Variants in DMGDH observed in about 807,000 individuals in gnomAD.
DMGDH encodes the protein dimethylglycine dehydrogenase.
In DMGDH, 76 loss-of-function variants were observed where a neutral mutation model predicts 95.2. That is an observed-to-expected ratio of 0.80 (90% CI 0.66 to 0.97). DMGDH has a LOEUF of 0.97. Among genes scored for constraint, DMGDH ranks in the 50% least tolerant of loss-of-function variants. The probability of loss-of-function intolerance (pLI) is 0.00; values close to 1 mark genes in which losing one functional copy is unlikely to be tolerated. For missense variants in DMGDH, 987 were observed against 1,055.0 expected (o/e 0.94, Z 0.89); for synonymous variants, 345 against 377.6 (o/e 0.91, Z 1.00).
rs115041886 is a variant in DMGDH, at chr5:79,065,840, A to C, written c.102-2053T>G. 5.5e-3 allele frequency among the ~76,000 whole-genome samples: 842 copies of C among 152,212 alleles called. 6 individuals are homozygous for C. The highest frequency in any genetic ancestry group is 0.017 in the African/African-American group (711 of 41,532). On this transcript the variant is annotated intron_variant, in intron 1 of 15. Transcript: ENST00000255189. ...GCTATGACATCACTGGGTGATAGGAATTTTTCAGCTCCATTATAATCTTAC... is the reference window on the plus strand; with the variant it reads ...GCTATGACATCACTGGGTGATAGGACTTTTTCAGCTCCATTATAATCTTAC...
Position 79,031,001 on chromosome 5 carries a change from G to C in DMGDH, c.1518-3C>G. 1 of 1,614,120 alleles carries C rather than the reference G, an allele frequency of 6.2e-7. No homozygotes were observed. The highest frequency in any genetic ancestry group is 8.5e-7 in the Non-Finnish European group (1 of 1,180,010). ...AGTTTGTGCGGCGAAAACTTGGCCTGAAACACAACATTTAGTGTCATAAAA... is the reference window on the plus strand; with the variant it reads ...AGTTTGTGCGGCGAAAACTTGGCCTCAAACACAACATTTAGTGTCATAAAA... On this transcript the variant is annotated splice_region_variant and splice_polypyrimidine_tract_variant and intron_variant, in intron 9 of 15. Transcript: ENST00000255189.
intron 12 of DMGDH, 120 bp from the exon 13 acceptor site, chr5:79,026,701 G>C: frequency 3.5e-6 from 5 of 1,439,716 alleles, no homozygotes; most frequent in Non-Finnish European, 4.8e-6. Context: ...GACATTGTCA[G>C]TCTCTAAAAA....
At position 79,032,667 on chromosome 5, in the gene DMGDH, A is replaced by C; in HGVS notation, c.1517+20T>G. The stretch of plus-strand genomic sequence containing the variant: ...TCACCCCTCGGTCAGAACCACAGGC[A>C]GGTAAAGTCCTTCTCCCACCTGTAC... On this transcript the variant is annotated intron_variant, in intron 9 of 15. Transcript: ENST00000255189. The C allele has an allele frequency of 6.2e-7, 1 of 1,614,088 alleles. No homozygotes were observed. The highest frequency in any genetic ancestry group is 8.5e-7 in the Non-Finnish European group (1 of 1,179,998).
chr5:79,029,398 T>C (rs943621404), intron 11 of DMGDH, among the ~76,000 whole-genome samples: 2 of 152,184 alleles, frequency 1.3e-5, no homozygotes, highest in African/African-American at 2.4e-5. Context: ...TGAAGATTCA[T>C]GTAAAGGCTG....
chr5:79,001,226 A>G, intron 15 of DMGDH: 4 of 333,318 alleles, frequency 1.2e-5, no homozygotes, highest in Non-Finnish European at 2.2e-5. Context: ...GCAGAGGCGC[A>G]ATCTTGGCTC....
chr5:79,025,774 G>GT (rs1753984526), intron 13 of DMGDH, among the ~76,000 whole-genome samples: 1 of 152,098 alleles, frequency 6.6e-6, no homozygotes, highest in Admixed American at 6.5e-5. Flanking sequence ...CTGGGTCCAG[G>GT]GATAGCCTGC....
chr5:79,065,784 T>A (rs1755360330), intron 1 of DMGDH, among the ~76,000 whole-genome samples: 1 of 152,274 alleles, frequency 6.6e-6, no homozygotes, highest in Middle Eastern at 3.4e-3. Context: ...TACAAACACG[T>A]GAGCAATGTG....
At chr5:79,002,358 T>C (rs753031116) in intron 15 of DMGDH, among the ~76,000 whole-genome samples, 7 of 152,366 alleles carry the variant, frequency 4.6e-5, no homozygotes, top group Non-Finnish European at 8.8e-5. Context: ...GCCTTTCTCA[T>C]GACCATCTTT....
chr5:79,044,068 G>A (rs1241368776), intron 6 of DMGDH, among the ~76,000 whole-genome samples: 1 of 152,208 alleles, frequency 6.6e-6, no homozygotes, highest in Non-Finnish European at 1.5e-5. Context: ...AAAGCAGCTG[G>A]AAATGTTACT....
At chr5:79,033,161 T>A in intron 8 of DMGDH, 78 bp downstream of exon 8, 3 of 1,580,032 alleles carry the variant, frequency 1.9e-6, no homozygotes, top group Non-Finnish European at 2.6e-6. Flanking sequence ...GTGAATAGAA[T>A]AAAGACCATC....
At chr5:79,018,157 C>T (rs1001893474) in intron 14 of DMGDH, among the ~76,000 whole-genome samples, 1 of 152,178 alleles carries the variant, frequency 6.6e-6, no homozygotes, top group Non-Finnish European at 1.5e-5. Context: ...AAGCAGTCCT[C>T]CTTCCTCAGC....
At chr5:79,019,945 T>C (rs1753825244) in intron 14 of DMGDH, among the ~76,000 whole-genome samples, 1 of 152,196 alleles carries the variant, frequency 6.6e-6, no homozygotes. Context: ...GGCTCCACCC[T>C]GGCAGCTTCT....
chr5:79,062,190 T>C (rs1224727430), intron 2 of DMGDH, among the ~76,000 whole-genome samples: 1 of 152,014 alleles, frequency 6.6e-6, no homozygotes, highest in East Asian at 1.9e-4. Context: ...AGCACCTCCT[T>C]CTTCTCCTCC....
intron 15 of DMGDH, 130 bp from the exon 16 acceptor site, chr5:78,998,427 G>T: frequency 1.2e-6 from 1 of 800,820 alleles, no homozygotes; most frequent in Non-Finnish European, 2.1e-6. Context: ...TGTCTGGGGG[G>T]ACAACGCCAG....
chr5:79,027,760 A>G (rs1351778581), intron 12 of DMGDH, among the ~76,000 whole-genome samples: 1 of 151,914 alleles, frequency 6.6e-6, no homozygotes, highest in Non-Finnish European at 1.5e-5. Context: ...GGGAGATTCT[A>G]TCTCCAGGAG....
At chr5:79,033,119 G>T in intron 8 of DMGDH, 120 bp downstream of exon 8, 1 of 1,261,878 alleles carries the variant, frequency 7.9e-7, no homozygotes, top group Non-Finnish European at 1.1e-6. Context: ...GGGGCACAAT[G>T]CTTTTTGGAG....
At chr5:79,008,962 T>C (rs973425953) in intron 14 of DMGDH, among the ~76,000 whole-genome samples, 8 of 152,160 alleles carry the variant, frequency 5.3e-5, no homozygotes, top group South Asian at 2.1e-4. Context: ...TGAGGCTCAG[T>C]TACATGACGA....
At chr5:79,045,396 GC>G (rs1421984512) in intron 5 of DMGDH, among the ~76,000 whole-genome samples, 2 of 152,098 alleles carry the variant, frequency 1.3e-5, no homozygotes, top group Non-Finnish European at 2.9e-5. Context: ...ATAATTTGTG[GC>G]TGAAAGGACC....
At chr5:79,060,561 CTT>C (rs2112672289) in intron 2 of DMGDH, among the ~76,000 whole-genome samples, 1 of 152,270 alleles carries the variant, frequency 6.6e-6, no homozygotes, top group South Asian at 2.1e-4. Context: ...TAGTCTGCCT[CTT>C]GTTAGCTGGC....
Sources: allele counts gnomAD v4.1 joint callset (sites outside exome capture counted in the v4.1 genomes callset), GRCh38; gene constraint gnomAD v4.1.1; transcripts MANE v1.5; gene names NCBI Gene and HGNC (gene_info 2026-07-23, HGNC 2026-07-21).